The following CUX2 variants were observed in gnomAD, a reference collection of about 807,000 sequenced individuals.
CUX2 encodes cut like homeobox 2.
A neutral mutation model predicts 144.8 loss-of-function variants in CUX2; 40 were observed. The observed-to-expected ratio is 0.28, with a 90% CI of 0.21 to 0.36. The LOEUF (loss-of-function observed/expected upper bound fraction) is 0.36, where lower values mean the gene tolerates loss of function less well. Ranked by LOEUF, CUX2 falls within the 10% of genes least tolerant of loss-of-function variation. The pLI, the probability that CUX2 is intolerant of heterozygous loss-of-function variation, is 1.00. For missense variants in CUX2, 1,615 were observed against 1,994.0 expected (o/e 0.81, Z 3.62); for synonymous variants, 827 against 875.6 (o/e 0.94, Z 0.98).
chr12:111,068,431 T>G lies in CUX2; in HGVS notation c.63+34191T>G, dbSNP rs1871109828. Among the ~76,000 whole-genome samples, 1 of 152,194 alleles carries G rather than the reference T, an allele frequency of 6.6e-6. No individual in the cohort carries two copies. Among genetic ancestry groups the G allele is most frequent in the Non-Finnish European group, 1.5e-5 (1 of 68,030 alleles). ...TCCTTTGAAGACGCTTGTCAGCGAG[T>G]GCTGCGGTGAAGTGTCAGGCGTCAC... On this transcript the variant is annotated intron_variant, in intron 1 of 21. Transcript: ENST00000261726. This position sits in a 1 kb window ranked among gnomAD's most constrained non-coding sequence, Gnocchi z 4.9.
At chr12:111,220,267 G>A (rs944416613) in intron 3 of CUX2, among the ~76,000 whole-genome samples, 17 of 152,126 alleles carry the variant, frequency 1.1e-4, no homozygotes, top group African/African-American at 4.1e-4. Context: ...ATTCCTATGA[G>A]CAGTGACCTC....
rs191526878 is a variant in CUX2, at chr12:111,039,993, A to T, written c.63+5753A>T. The stretch of plus-strand genomic sequence containing the variant: ...GTGTTTTGGAGGATGTAGACATTAT[A>T]TTCCTATCATGGCCCAGGCGAGGTG... On this transcript the variant is annotated intron_variant, in intron 1 of 21. Transcript: ENST00000261726. The surrounding 1 kb of genome is among the most constrained non-coding windows in gnomAD (Gnocchi z 4.2). 1.3e-5 allele frequency among the ~76,000 whole-genome samples: 2 copies of T among 152,304 alleles called. No individual in the cohort carries two copies. Among genetic ancestry groups the T allele is most frequent in the African/African-American group, 4.8e-5 (2 of 41,562 alleles).
chr12:111,348,313 G>T lies in CUX2; in HGVS notation c.4449G>T (p.Glu1483Asp). The stretch of plus-strand genomic sequence containing the variant: ...CTGCCAATCGGGAGGAGGCCCTGGA[G>T]TGGGAGTTCTGAAGGCAGGGTGAGG... Reference protein sequence around the residue: ...ERAANREEALEWEF With the variant: ...ERAANREEALDWEF Residue 1483 changes from glutamate to aspartate, a missense_variant, in exon 22 of 22, where the codon GAG becomes GAT. By Grantham distance (45) the Glu-to-Asp change is conservative (BLOSUM62 2). Coordinates refer to ENST00000261726, the MANE Select transcript of CUX2 (RefSeq NM_015267.4). The T allele has an allele frequency of 1.9e-6, 3 of 1,610,308 alleles. No homozygotes were observed. The highest frequency in any genetic ancestry group is 4.5e-5 in the East Asian group (2 of 44,824).
intron 1 of CUX2, among the ~76,000 whole-genome samples, chr12:111,111,227 A>G (rs912650442): frequency 4.6e-5 from 7 of 152,078 alleles, no homozygotes; most frequent in Non-Finnish European, 1.0e-4. Context: ...GCTTGAACCC[A>G]GGAGGCGGAG....
At position 111,304,326 on chromosome 12, in the gene CUX2, G is replaced by A; in HGVS notation, c.858+12G>A. The A allele has an allele frequency of 6.2e-7, 1 of 1,607,648 alleles. No homozygotes were observed. The highest frequency in any genetic ancestry group is 8.5e-7 in the Non-Finnish European group (1 of 1,175,156). On this transcript the variant is annotated intron_variant, in intron 10 of 21. Coordinates refer to ENST00000261726, the MANE Select transcript of CUX2 (RefSeq NM_015267.4). The surrounding 1 kb of genome is among the most constrained non-coding windows in gnomAD (Gnocchi z 4.7). The stretch of plus-strand genomic sequence containing the variant: ...AGGGGCCCAGTGGGGTAAGGATGGG[G>A]TTGGGGAAGTGAGCAGGGAGGGCAG...
intron 21 of CUX2, among the ~76,000 whole-genome samples, chr12:111,343,512 G>A (rs957645103): frequency 2.6e-5 from 4 of 152,120 alleles, no homozygotes; most frequent in Non-Finnish European, 5.9e-5. Flanking sequence ...ATTCCAGGGG[G>A]AGAGAATGTC....
At chr12:111,137,418 C>T (rs760636703) in intron 1 of CUX2, among the ~76,000 whole-genome samples, 1 of 152,000 alleles carries the variant, frequency 6.6e-6, no homozygotes, top group East Asian at 1.9e-4. Context: ...AAATCAGACA[C>T]TTTGGGGAAA....
intron 21 of CUX2, among the ~76,000 whole-genome samples, chr12:111,344,071 A>G (rs1888692457): frequency 6.6e-6 from 1 of 152,182 alleles, no homozygotes; most frequent in African/African-American, 2.4e-5. Flanking sequence ...AAATAAATAA[A>G]ATAAAATATG....
chr12:111,333,891 TA>T (rs1176085358), intron 18 of CUX2, among the ~76,000 whole-genome samples: 6 of 149,880 alleles, frequency 4.0e-5, no homozygotes, highest in Non-Finnish European at 8.8e-5. Flanking sequence ...TTTCCCTTTG[TA>T]ATTACTAAGC....
chr12:111,261,941 G>T (rs1884148810), intron 3 of CUX2, among the ~76,000 whole-genome samples: 1 of 152,048 alleles, frequency 6.6e-6, no homozygotes, highest in Admixed American at 6.6e-5. Flanking sequence ...ATTTAAAAAA[G>T]ACCTACCTAC....
At chr12:111,215,770 G>A (rs866025332) in intron 2 of CUX2, among the ~76,000 whole-genome samples, 64 of 152,274 alleles carry the variant, frequency 4.2e-4, no homozygotes, top group African/African-American at 1.4e-3. Flanking sequence ...CCTCTCCCTG[G>A]TCAGCTTAGA....
intron 1 of CUX2, among the ~76,000 whole-genome samples, chr12:111,116,167 C>G (rs1448513461): frequency 1.3e-5 from 2 of 152,108 alleles, no homozygotes; most frequent in African/African-American, 4.8e-5. Flanking sequence ...AATTATACAT[C>G]TACAGAGAAT....
At chr12:111,239,173 T>C (rs1195500143) in intron 3 of CUX2, among the ~76,000 whole-genome samples, 3 of 152,196 alleles carry the variant, frequency 2.0e-5, no homozygotes, top group African/African-American at 7.2e-5. Flanking sequence ...AGTCTTTGTG[T>C]GTGTCTCCTA....
chr12:111,195,694 C>CA (rs1207128413), intron 1 of CUX2, among the ~76,000 whole-genome samples: 12 of 152,174 alleles, frequency 7.9e-5, no homozygotes, highest in African/African-American at 2.9e-4. Context: ...TAGCTAGGGA[C>CA]ACAGAGCCCA....
chr12:111,236,126 G>C (rs1017973106), intron 3 of CUX2, among the ~76,000 whole-genome samples: 8 of 152,112 alleles, frequency 5.3e-5, no homozygotes, highest in African/African-American at 1.9e-4. Flanking sequence ...GGTTGTTGTT[G>C]GAGGATTCCA....
chr12:111,167,844 G>A (rs1053398833), intron 1 of CUX2, among the ~76,000 whole-genome samples: 5 of 151,976 alleles, frequency 3.3e-5, no homozygotes, highest in African/African-American at 1.2e-4. Flanking sequence ...ACAGGTACAC[G>A]CCACCACGCC....
intron 1 of CUX2, among the ~76,000 whole-genome samples, chr12:111,194,787 C>T (rs766540944): frequency 3.9e-5 from 6 of 152,220 alleles, no homozygotes; most frequent in South Asian, 4.1e-4. Flanking sequence ...TGTCTTCAGA[C>T]GAGAGGCTGA....
Position 111,039,866 on chromosome 12 carries a change from C to T in CUX2, c.63+5626C>T, listed in dbSNP as rs572070943. Among the ~76,000 whole-genome samples the T allele has an allele frequency of 3.9e-5, 6 of 152,214 alleles. No individual in the cohort carries two copies. The highest frequency in any genetic ancestry group is 1.4e-4 in the African/African-American group (6 of 41,544). ...CTCCATCATGGTCGTGGTGGTGGGG[C>T]TATTGACCTTTTAAGCAATATTTTT... On this transcript the variant is annotated intron_variant, in intron 1 of 21. Coordinates refer to ENST00000261726, the MANE Select transcript of CUX2 (RefSeq NM_015267.4). This position sits in a 1 kb window ranked among gnomAD's most constrained non-coding sequence, Gnocchi z 4.2.
rs775495974 is a variant in CUX2 at position 111,347,757 on chromosome 12, T to G, written c.3893T>G (p.Ile1298Ser). ...LTTQDKAQVRIKQEQMEEDAE... is the reference protein window; with the variant it reads ...LTTQDKAQVRSKQEQMEEDAE... ...ACCCAGGACAAGGCCCAAGTGAGGA[T>G]CAAGCAGGAACAGATGGAGGAGGAT... The change falls in exon 22 of 22, where the codon ATC becomes AGC. Residue 1298 changes from isoleucine to serine, a missense_variant. Ile to Ser is a moderately radical substitution (Grantham distance 142, BLOSUM62 -2). Coordinates refer to ENST00000261726, the MANE Select transcript of CUX2 (RefSeq NM_015267.4). 6.2e-7 allele frequency: 1 copy of G among 1,612,516 alleles called. No individual in the cohort carries two copies. The highest frequency in any genetic ancestry group is 1.1e-5 in the South Asian group (1 of 91,008).
Sources: allele counts gnomAD v4.1 joint callset (sites outside exome capture counted in the v4.1 genomes callset), GRCh38; gene constraint gnomAD v4.1.1; non-coding constraint Gnocchi (gnomAD v3.1); transcripts MANE v1.5; gene names NCBI Gene and HGNC (gene_info 2026-07-23, HGNC 2026-07-21).